Variants in RIC1 observed in about 807,000 individuals in gnomAD.
RIC1 encodes the protein RIC1 partner of RAB6A GEF complex.
Under a neutral mutation model 169.0 loss-of-function variants are expected in RIC1, and 88 were observed. That is an observed-to-expected ratio of 0.52 (90% CI 0.44 to 0.62). The LOEUF (loss-of-function observed/expected upper bound fraction) is 0.62, where lower values mean the gene tolerates loss of function less well. RIC1 is among the 20% of genes least tolerant of loss of function. RIC1 has a pLI of 0.00. For missense variants in RIC1, 1,877 were observed against 1,725.5 expected, an observed-to-expected ratio of 1.09 and a Z score of -1.56; for synonymous variants, 790 against 601.5, an observed-to-expected ratio of 1.31 and a Z score of -4.59.
intron 2 of RIC1, among the ~76,000 whole-genome samples, chr9:5,663,806 C>T (rs147028582): frequency 0.023 from 3,504 of 152,146 alleles, 139 homozygotes; most frequent in African/African-American, 0.08. Context: ...AGCCCATTTA[C>T]ATTTAAGGTT....
At chr9:5,650,893 C>T (rs1818765855) in intron 1 of RIC1, among the ~76,000 whole-genome samples, 1 of 152,114 alleles carries the variant, frequency 6.6e-6, no homozygotes. Flanking sequence ...TCACTGTAGG[C>T]CCCCAGGTGG....
intron 11 of RIC1, among the ~76,000 whole-genome samples, chr9:5,747,044 T>G (rs186229240): frequency 1.3e-5 from 2 of 152,194 alleles, no homozygotes; most frequent in African/African-American, 4.8e-5. Flanking sequence ...TTTCAATAGT[T>G]AATGAGTCTA....
chr9:5,631,426 C>G (rs1380083693), intron 1 of RIC1, among the ~76,000 whole-genome samples: 2 of 152,152 alleles, frequency 1.3e-5, no homozygotes, highest in African/African-American at 2.4e-5. Context: ...ACCTTGGTCT[C>G]TGGGCACCAG....
intron 23 of RIC1, among the ~76,000 whole-genome samples, chr9:5,770,983 T>A (rs1426309394): frequency 6.6e-6 from 1 of 152,216 alleles, no homozygotes; most frequent in African/African-American, 2.4e-5. Context: ...ATTTGTCTAA[T>A]GTTTGATTAT....
chr9:5,676,677 T>A (rs138670933), intron 2 of RIC1, among the ~76,000 whole-genome samples: 1 of 152,120 alleles, frequency 6.6e-6, no homozygotes, highest in Non-Finnish European at 1.5e-5. Flanking sequence ...TTTAATGGGG[T>A]TTAAAGAAAA....
At chr9:5,631,388 C>A (rs558559592) in intron 1 of RIC1, among the ~76,000 whole-genome samples, 1 of 152,116 alleles carries the variant, frequency 6.6e-6, no homozygotes. Flanking sequence ...TTAGAGGAGG[C>A]TGTATAGTAC....
chr9:5,706,571 C>G (rs1283426912), intron 3 of RIC1, among the ~76,000 whole-genome samples: 2 of 152,056 alleles, frequency 1.3e-5, no homozygotes, highest in East Asian at 3.9e-4. Context: ...ATTAAGCCAT[C>G]TTGTTTTGGG....
At chr9:5,692,350 A>G (rs1470969837) in intron 3 of RIC1, among the ~76,000 whole-genome samples, 2 of 152,114 alleles carry the variant, frequency 1.3e-5, no homozygotes, top group African/African-American at 2.4e-5. Flanking sequence ...AAATGAGATC[A>G]TTCATATTTA....
chr9:5,769,599 A>G (rs1207903488), intron 22 of RIC1: 1 of 561,592 alleles, frequency 1.8e-6, no homozygotes, highest in East Asian at 4.4e-5. Context: ...CCTCAAAGTA[A>G]GCTGACAGAA....
intron 7 of RIC1, among the ~76,000 whole-genome samples, chr9:5,735,280 G>A (rs1824630100): frequency 6.6e-6 from 1 of 152,024 alleles, no homozygotes; most frequent in Non-Finnish European, 1.5e-5. Flanking sequence ...GAGCAATACA[G>A]TCAAGTGACT....
chr9:5,759,409 A>G (rs1826200477), intron 17 of RIC1, among the ~76,000 whole-genome samples: 1 of 152,228 alleles, frequency 6.6e-6, no homozygotes, highest in Non-Finnish European at 1.5e-5. Flanking sequence ...GGACAGCTAC[A>G]AGTCACTAAC....
At chr9:5,754,186 A>G (rs1825871797) in intron 14 of RIC1, among the ~76,000 whole-genome samples, 1 of 152,040 alleles carries the variant, frequency 6.6e-6, no homozygotes, top group African/African-American at 2.4e-5. Context: ...ACTGTTACTG[A>G]TCTTTTGATG....
intron 2 of RIC1, among the ~76,000 whole-genome samples, chr9:5,671,760 C>T (rs1820121314): frequency 1.3e-5 from 2 of 152,030 alleles, no homozygotes; most frequent in Non-Finnish European, 2.9e-5. Flanking sequence ...TAAACATGAG[C>T]CTAAAGTCAG....
intron 1 of RIC1, among the ~76,000 whole-genome samples, chr9:5,640,679 A>G (rs982959586): frequency 1.3e-5 from 2 of 152,174 alleles, no homozygotes; most frequent in South Asian, 2.1e-4. Context: ...TGTGCTTACT[A>G]TTACCAGCGA....
intron 2 of RIC1, among the ~76,000 whole-genome samples, chr9:5,675,972 TC>T (rs1406826651): frequency 7.2e-5 from 11 of 152,224 alleles, no homozygotes; most frequent in Admixed American, 5.9e-4. Context: ...CTAACCCCCA[TC>T]TTGCCTTTAA....
At chr9:5,685,990 A>T (rs571520397) in intron 2 of RIC1, among the ~76,000 whole-genome samples, 3 of 152,284 alleles carry the variant, frequency 2.0e-5, no homozygotes, top group African/African-American at 7.2e-5. Context: ...ACTTCTGAAA[A>T]GAAGACATTT....
chr9:5,662,935 T>C (rs1819541534), intron 2 of RIC1, among the ~76,000 whole-genome samples: 1 of 152,236 alleles, frequency 6.6e-6, no homozygotes, highest in South Asian at 2.1e-4. Flanking sequence ...GGTTGTTAAC[T>C]TGAGATCTTT....
chr9:5,749,869 C>G (rs911812266), intron 12 of RIC1, among the ~76,000 whole-genome samples: 3 of 143,682 alleles, frequency 2.1e-5, no homozygotes, highest in African/African-American at 5.3e-5. Flanking sequence ...ACCTCCACCT[C>G]CAGGGTTCAA....
At chr9:5,725,104 A>T (rs777784721) in intron 6 of RIC1, among the ~76,000 whole-genome samples, 5 of 151,970 alleles carry the variant, frequency 3.3e-5, no homozygotes, top group African/African-American at 1.2e-4. Context: ...CTCTTTTTCT[A>T]TTGATTGGAA....
Sources: gnomAD v4.1 joint callset for allele counts (sites outside exome capture counted in the v4.1 genomes callset) on GRCh38, gnomAD v4.1.1 for gene constraint, MANE v1.5 for transcripts, NCBI Gene and HGNC (gene_info 2026-07-23, HGNC 2026-07-21) for gene names.